DPP6: variants seen among roughly 807,000 people sequenced by gnomAD.
DPP6 encodes the protein dipeptidyl peptidase like 6, also known as A-type potassium channel modulatory protein DPP6.
Under a neutral mutation model 122.6 loss-of-function variants are expected in DPP6, and 69 were observed. The ratio of observed to expected loss-of-function variants is 0.56; its 90% CI spans 0.46 to 0.69. The LOEUF (loss-of-function observed/expected upper bound fraction) is 0.69, where lower values mean the gene tolerates loss of function less well. DPP6 is among the 30% of genes least tolerant of loss of function. The probability of loss-of-function intolerance (pLI) is 0.00; values close to 1 mark genes in which losing one functional copy is unlikely to be tolerated. For missense variants in DPP6, 928 were observed against 1,116.9 expected (o/e 0.83, Z 2.41); for synonymous variants, 418 against 433.1 (o/e 0.97, Z 0.43).
intron 1 of DPP6, among the ~76,000 whole-genome samples, chr7:154,324,024 A>T (rs1475057716): frequency 6.6e-6 from 1 of 152,226 alleles, no homozygotes. Flanking sequence ...AAGGAGTGAT[A>T]CCAAGAGGAA....
At chr7:154,359,222 G>C (rs1811522959) in intron 1 of DPP6, among the ~76,000 whole-genome samples, 1 of 152,178 alleles carries the variant, frequency 6.6e-6, no homozygotes, top group African/African-American at 2.4e-5. Context: ...CGGGTGGTCT[G>C]TCTCCATGTG....
chr7:154,402,779 AAAATAAAAATAAAAAT>A (rs1042405995), intron 1 of DPP6, among the ~76,000 whole-genome samples: 28 of 149,748 alleles, frequency 1.9e-4, no homozygotes, highest in African/African-American at 6.8e-4. Flanking sequence ...GAAAAAAATA[AAAATAAAAATAAAAAT>A]AAAACTCTGG....
the DPP6 span, among the ~76,000 whole-genome samples, chr7:153,766,392 C>T: frequency 3.9e-5 from 6 of 152,288 alleles, no homozygotes; most frequent in East Asian, 1.9e-4. Flanking sequence ...CCAATACCAA[C>T]GTTCTATTTC....
At chr7:154,831,931 A>G (rs1336493184) in intron 16 of DPP6, among the ~76,000 whole-genome samples, 1 of 152,190 alleles carries the variant, frequency 6.6e-6, no homozygotes, top group Non-Finnish European at 1.5e-5. Flanking sequence ...AAAAATACAT[A>G]GGCTTCTATG....
rs1425505541 is a variant in DPP6, at chr7:154,889,447, T to G, written c.2378-10T>G. The G allele has an allele frequency of 1.3e-6, 2 of 1,576,428 alleles. No homozygotes were observed. The highest frequency in any genetic ancestry group is 8.6e-7 in the Non-Finnish European group (1 of 1,164,424). On this transcript the variant is annotated splice_polypyrimidine_tract_variant and intron_variant, in intron 24 of 25. Transcript: ENST00000377770. The stretch of plus-strand genomic sequence containing the variant: ...GTCTTCCTCTCTTTTTTTTTTTTTT[T>G]TTTGCACAGAAAAAATTCATTTCCA...
At chr7:154,120,899 C>T (rs1807400717) in intron 1 of DPP6, among the ~76,000 whole-genome samples, 1 of 152,056 alleles carries the variant, frequency 6.6e-6, no homozygotes, top group Non-Finnish European at 1.5e-5. Context: ...TGGCTGTTTC[C>T]CCACCCAGAT....
intron 20 of DPP6, among the ~76,000 whole-genome samples, chr7:154,878,206 C>T (rs980962691): frequency 8.5e-5 from 13 of 152,218 alleles, no homozygotes; most frequent in African/African-American, 2.7e-4. Context: ...GGCTCCCCTT[C>T]GACACTTGGC....
At chr7:153,945,073 C>T (rs56414187) in intron 1 of DPP6, among the ~76,000 whole-genome samples, 31,609 of 151,928 alleles carry the variant, frequency 0.21, 3,533 homozygotes, top group Middle Eastern at 0.3. Flanking sequence ...AGGGTCTTCC[C>T]GGCAGACTGC....
At position 154,000,045 on chromosome 7, in the gene DPP6, CTAAG is replaced by C. The variant is rs1194696595; in HGVS notation, c.51+112315_51+112318del. Among the ~76,000 whole-genome samples, 20 of 151,424 alleles carry C rather than the reference CTAAG, an allele frequency of 1.3e-4. No individual in the cohort carries two copies. In the East Asian group the frequency reaches 2.9e-3, roughly 22 times the overall value. On this transcript the variant is annotated intron_variant, in intron 1 of 25. Transcript: ENST00000404039. ...ATATAAGATAGCTGGAAAAATAAGA[CTAAG>C]TAAATTTGCTTTGTAATGTTTACAA... is the stretch of plus-strand genomic sequence containing the variant.
intron 7 of DPP6, among the ~76,000 whole-genome samples, chr7:154,669,804 TA>T (rs1447955298): frequency 6.6e-6 from 1 of 152,036 alleles, no homozygotes; most frequent in Non-Finnish European, 1.5e-5. Flanking sequence ...TTTTGTCATC[TA>T]AAGATGCTCT....
At chr7:154,485,625 C>A (rs1317217680) in intron 3 of DPP6, among the ~76,000 whole-genome samples, 1 of 152,182 alleles carries the variant, frequency 6.6e-6, no homozygotes, top group Non-Finnish European at 1.5e-5. Flanking sequence ...GCAAAAGTTT[C>A]CTATTGGAGT....
intron 16 of DPP6, among the ~76,000 whole-genome samples, chr7:154,826,145 GT>G (rs1278139843): frequency 1.3e-5 from 2 of 152,214 alleles, no homozygotes; most frequent in East Asian, 3.8e-4. Flanking sequence ...CACATTCCGA[GT>G]TTGGCACAGT....
intron 1 of DPP6, among the ~76,000 whole-genome samples, chr7:154,344,355 C>T (rs565003014): frequency 6.6e-6 from 1 of 152,150 alleles, no homozygotes; most frequent in African/African-American, 2.4e-5. Flanking sequence ...CAAATCAAAA[C>T]TGCAATGAGG....
chr7:154,891,689 G>A (rs1198510552), intron 25 of DPP6, among the ~76,000 whole-genome samples: 1 of 152,122 alleles, frequency 6.6e-6, no homozygotes, highest in Non-Finnish European at 1.5e-5. Flanking sequence ...GGGTTCAAGT[G>A]ATTCTCCTAC....
At chr7:154,544,605 T>G (rs757048106) in intron 4 of DPP6, among the ~76,000 whole-genome samples, 1 of 152,154 alleles carries the variant, frequency 6.6e-6, no homozygotes, top group Non-Finnish European at 1.5e-5. Flanking sequence ...CATTCAGCAC[T>G]GGGGTCATGA....
the DPP6 span, among the ~76,000 whole-genome samples, chr7:153,804,700 C>A: frequency 6.6e-6 from 1 of 152,044 alleles, no homozygotes; most frequent in African/African-American, 2.4e-5. Context: ...CGAGACCAGC[C>A]TGGCCAACAT....
At chr7:153,835,967 A>C in the DPP6 span, among the ~76,000 whole-genome samples, 2 of 152,176 alleles carry the variant, frequency 1.3e-5, no homozygotes, top group Non-Finnish European at 2.9e-5. Flanking sequence ...GGTCAAAAAG[A>C]TGGATCACAA....
intron 1 of DPP6, among the ~76,000 whole-genome samples, chr7:154,331,225 C>T (rs1439783158): frequency 6.6e-6 from 1 of 152,174 alleles, no homozygotes; most frequent in Non-Finnish European, 1.5e-5. Context: ...ACGACATTGG[C>T]AATTCATTCA....
At chr7:154,318,620 T>C (rs1807643063) in intron 1 of DPP6, among the ~76,000 whole-genome samples, 1 of 152,234 alleles carries the variant, frequency 6.6e-6, no homozygotes, top group African/African-American at 2.4e-5. Flanking sequence ...TTCACACCTA[T>C]TGCAACAGAA....
Sources: allele counts gnomAD v4.1 joint callset (sites outside exome capture counted in the v4.1 genomes callset), GRCh38; gene constraint gnomAD v4.1.1; transcripts MANE v1.5; gene names NCBI Gene and HGNC (gene_info 2026-07-23, HGNC 2026-07-21).